Variants in USP32 observed in about 807,000 individuals in gnomAD.
USP32 encodes ubiquitin specific peptidase 32.
USP32 carries 59 observed loss-of-function variants against 204.8 expected under a neutral mutation model. The observed-to-expected ratio is 0.29, with a 90% CI of 0.23 to 0.36. The LOEUF is 0.36. Ranked by LOEUF, USP32 falls within the 10% of genes least tolerant of loss-of-function variation. The pLI is 1.00. For missense variants in USP32, 1,160 were observed against 1,946.4 expected, an observed-to-expected ratio of 0.60 and a Z score of 7.60; for synonymous variants, 517 against 678.4, an observed-to-expected ratio of 0.76 and a Z score of 3.70.
Position 60,358,567 on chromosome 17 carries a change from C to G in USP32, c.59-12959G>C, listed in dbSNP as rs188183001. ...ACAGCCTGGGTAACAGAGGGAGACT[C>G]TGTCTCAAAAAAACATAATAAAAAT... On this transcript the variant is annotated intron_variant, in intron 1 of 33. Transcript: ENST00000300896. 8.6e-5 allele frequency among the ~76,000 whole-genome samples: 13 copies of G among 150,696 alleles called. No homozygotes were observed. The East Asian group carries it at 2.8e-3, about 32-fold the overall frequency.
intron 15 of USP32, 60 bp downstream of exon 15, chr17:60,222,349 G>C (rs1040919576): frequency 4.5e-6 from 7 of 1,561,184 alleles, no homozygotes; most frequent in Non-Finnish European, 8.7e-7. Context: ...CATAGAAAAA[G>C]TAACAGAAGA....
chr17:60,246,939 T>G (rs1282416670), intron 11 of USP32, among the ~76,000 whole-genome samples: 3 of 152,218 alleles, frequency 2.0e-5, no homozygotes, highest in Non-Finnish European at 4.4e-5. Flanking sequence ...ATTAAAACCT[T>G]GATGAATGGA....
At chr17:60,295,071 T>C (rs1409029832) in intron 3 of USP32, among the ~76,000 whole-genome samples, 3 of 152,270 alleles carry the variant, frequency 2.0e-5, no homozygotes, top group East Asian at 3.9e-4. Context: ...TCTTATACAC[T>C]GTTAATAGGA....
rs185442981 is a variant in USP32, at chr17:60,261,972, T to C, written c.990+3440A>G. ...GCATACAATGATGATCAAAAGCCCATTTGCTATACTGACACCTGAGTAATA... is the reference window on the plus strand; with the variant it reads ...GCATACAATGATGATCAAAAGCCCACTTGCTATACTGACACCTGAGTAATA... On this transcript the variant is annotated intron_variant, in intron 9 of 33. Coordinates refer to ENST00000300896, the MANE Select transcript of USP32 (RefSeq NM_032582.4). 3.3e-3 allele frequency among the ~76,000 whole-genome samples: 509 copies of C among 152,244 alleles called. 5 individuals carry two copies. The highest frequency in any genetic ancestry group is 0.011 in the African/African-American group (452 of 41,538).
intron 1 of USP32, among the ~76,000 whole-genome samples, chr17:60,382,087 T>C (rs922951956): frequency 2.6e-5 from 4 of 152,238 alleles, no homozygotes; most frequent in Non-Finnish European, 5.9e-5. Flanking sequence ...AGGGCCAGTG[T>C]ATGATTTCTA....
At chr17:60,296,288 G>C (rs2087427689) in intron 3 of USP32, among the ~76,000 whole-genome samples, 1 of 152,142 alleles carries the variant, frequency 6.6e-6, no homozygotes, top group Non-Finnish European at 1.5e-5. Context: ...GAGATTATCT[G>C]GAAACAGAGT....
chr17:60,368,606 C>A (rs1374971054), intron 1 of USP32, among the ~76,000 whole-genome samples: 1 of 151,964 alleles, frequency 6.6e-6, no homozygotes, highest in African/African-American at 2.4e-5. Flanking sequence ...AAAAAACCCA[C>A]ATACACACAA....
chr17:60,360,168 CTG>C (rs1350719541), intron 1 of USP32, among the ~76,000 whole-genome samples: 1 of 151,770 alleles, frequency 6.6e-6, no homozygotes, highest in African/African-American at 2.4e-5. Flanking sequence ...GCGCCCGGCC[CTG>C]TAAGACAAAG....
At chr17:60,407,011 C>T (rs921535835) in intron 1 of USP32, among the ~76,000 whole-genome samples, 1 of 152,094 alleles carries the variant, frequency 6.6e-6, no homozygotes, top group African/African-American at 2.4e-5. Flanking sequence ...CAACCGTTTT[C>T]AGATGTTGGA....
At chr17:60,290,982 A>G (rs751693738) in intron 4 of USP32, among the ~76,000 whole-genome samples, 5 of 152,214 alleles carry the variant, frequency 3.3e-5, no homozygotes, top group Non-Finnish European at 4.4e-5. Context: ...AATGTTTACA[A>G]TGTCCTAAGA....
chr17:60,201,016 G>A (rs1421307995), intron 26 of USP32, among the ~76,000 whole-genome samples: 1 of 151,960 alleles, frequency 6.6e-6, no homozygotes. Flanking sequence ...TGTGGCACAC[G>A]CTGGCTAATT....
intron 1 of USP32, among the ~76,000 whole-genome samples, chr17:60,409,952 T>G (rs536110065): frequency 1.3e-5 from 2 of 152,314 alleles, no homozygotes; most frequent in South Asian, 4.1e-4. Context: ...TTGGACAAGC[T>G]TGGTTTAAAA....
chr17:60,341,463 T>C (rs1340156563), intron 2 of USP32, among the ~76,000 whole-genome samples: 2 of 151,784 alleles, frequency 1.3e-5, no homozygotes, highest in Non-Finnish European at 1.5e-5. Context: ...AAATTCCGGG[T>C]TGAAAATTCT....
At chr17:60,198,744 G>A (rs1224372376) in intron 26 of USP32, among the ~76,000 whole-genome samples, 1 of 152,208 alleles carries the variant, frequency 6.6e-6, no homozygotes, top group Non-Finnish European at 1.5e-5. Flanking sequence ...CACATACACT[G>A]ACTCACATGT....
At chr17:60,227,876 A>T (rs540652389) in intron 12 of USP32, among the ~76,000 whole-genome samples, 1 of 152,318 alleles carries the variant, frequency 6.6e-6, no homozygotes, top group East Asian at 1.9e-4. Flanking sequence ...TAAAAATGGC[A>T]TAATTATTTA....
intron 6 of USP32, among the ~76,000 whole-genome samples, chr17:60,270,701 T>C (rs1445999814): frequency 2.6e-5 from 4 of 151,486 alleles, no homozygotes; most frequent in Non-Finnish European, 5.9e-5. Flanking sequence ...CACATTCCTG[T>C]AATCCCAGCT....
At chr17:60,193,174 G>A (rs139451251) in intron 27 of USP32, among the ~76,000 whole-genome samples, 2 of 152,222 alleles carry the variant, frequency 1.3e-5, no homozygotes, top group East Asian at 1.9e-4. Context: ...TGTCTCTAAG[G>A]GAGTCCATGT....
chr17:60,305,723 T>A (rs1416488700), intron 2 of USP32, among the ~76,000 whole-genome samples: 2 of 152,198 alleles, frequency 1.3e-5, no homozygotes, highest in African/African-American at 4.8e-5. Flanking sequence ...TAATCCAGTC[T>A]CTTCACTTTT....
intron 15 of USP32, among the ~76,000 whole-genome samples, chr17:60,221,696 G>A (rs1021842447): frequency 3.3e-5 from 5 of 151,982 alleles, no homozygotes; most frequent in African/African-American, 1.2e-4. Context: ...ATTAGACACG[G>A]GGTTTCACTA....
Sources: gnomAD v4.1 joint callset for allele counts (sites outside exome capture counted in the v4.1 genomes callset) on GRCh38, gnomAD v4.1.1 for gene constraint, MANE v1.5 for transcripts, NCBI Gene and HGNC (gene_info 2026-07-23, HGNC 2026-07-21) for gene names.